MATN1: variants seen among roughly 807,000 people sequenced by gnomAD.
MATN1 encodes the protein matrilin-1.
A neutral mutation model predicts 41.3 loss-of-function variants in MATN1; 34 were observed. The ratio of observed to expected loss-of-function variants is 0.82; its 90% confidence interval spans 0.63 to 1.10. The LOEUF (loss-of-function observed/expected upper bound fraction) is 1.10, where lower values mean the gene tolerates loss of function less well. MATN1 is among the 50% of genes least tolerant of loss of function. The pLI, the probability that MATN1 is intolerant of heterozygous loss-of-function variation, is 0.00. For synonymous variants in MATN1, 264 were observed against 278.7 expected, an observed-to-expected ratio of 0.95 and a Z score of 0.53; for missense variants, 602 against 662.4, an observed-to-expected ratio of 0.91 and a Z score of 1.00.
Position 30,711,660 on chromosome 1 carries a change from G to A in MATN1, c.*1922C>T, listed in dbSNP as rs1639544411. On this transcript the variant is annotated 3_prime_UTR_variant, in exon 8 of 8. Coordinates refer to ENST00000373765, the MANE Select transcript of MATN1 (RefSeq NM_002379.3). ...ACCCCATCTCTGACTCCACTCATCAGGGACATCTGTTGCTTCTGCCCGCCA... is the reference window on the plus strand; with the variant it reads ...ACCCCATCTCTGACTCCACTCATCAAGGACATCTGTTGCTTCTGCCCGCCA... The A allele has an allele frequency of 1.3e-5, 2 of 152,412 alleles. No individual in the cohort carries two copies. The highest frequency in any genetic ancestry group is 2.9e-5 in the Non-Finnish European group (2 of 68,194). 9.4% of individuals were successfully genotyped at this position (152,412 alleles called of 1,614,324 possible).
Position 30,713,629 on chromosome 1 carries a change from C to A in MATN1, c.1444G>T (p.Glu482Ter). 1 of 1,553,282 alleles carries A rather than the reference C, an allele frequency of 6.4e-7. No individual in the cohort carries two copies. The highest frequency in any genetic ancestry group is 8.7e-7 in the Non-Finnish European group (1 of 1,147,608). The change falls in exon 8 of 8, where the codon GAA (glutamate) becomes TAA (stop). Residue 482 changes from glutamate to a stop codon, truncating the protein, a stop_gained and splice_region_variant. Transcript: ENST00000373765. LOFTEE classifies it high-confidence loss of function. ...ATGGCCAGCCGCTTACTCACAGCTT[C>A]CAGTGGACTCAGAGTTAAGGAGAGG... is the stretch of plus-strand genomic sequence containing the variant. The part of the protein sequence containing the change: ...GLLQALTRKL[E>*]AVSKRLAILE...
In MATN1 at chr1:30,714,261, G is replaced by A. The variant is rs1304277096; in HGVS notation, c.1427C>T (p.Ala476Val). ...GGAAGGGATATGTTTCCTGGTCAGG[G>A]CCTGCAGCAGCCCCTCCACTTTGGC... The part of the protein sequence containing the change: ...FQAKVEGLLQ[A>V]LTRKLEAVSK... The change falls in exon 7 of 8, where the codon GCC becomes GTC. Residue 476 changes from alanine (A) to valine (V), a missense_variant. By Grantham distance (64) the Ala-to-Val change is moderately conservative. Coordinates refer to ENST00000373765, the MANE Select transcript of MATN1 (RefSeq NM_002379.3). 6.2e-7 allele frequency: 1 copy of A among 1,607,714 alleles called. No individual in the cohort carries two copies. Among genetic ancestry groups the A allele is most frequent in the Non-Finnish European group, 8.5e-7 (1 of 1,177,044 alleles).
In MATN1 at chr1:30,721,421, G is replaced by A; in HGVS notation, c.425C>T (p.Ser142Phe). The change falls in exon 2 of 8, where the codon TCC becomes TTC. Residue 142 changes from serine to phenylalanine, a missense_variant. By Grantham distance (155) the Ser-to-Phe change is radical. Transcript: ENST00000373765. ...FGDAEGGRSR[S>F]PDISKVVIVV... ...TGCACGTACCTTGCTGATGTCAGGG[G>A]ACCTGGAACGACCACCCTCTGCATC... 3 of 1,609,354 alleles carry A rather than the reference G, an allele frequency of 1.9e-6. No individual in the cohort carries two copies. The highest frequency in any genetic ancestry group is 1.1e-5 in the South Asian group (1 of 90,996).
chr1:30,716,817 G>GACGCA lies in MATN1; in HGVS notation c.762_763insTGCGT (p.Leu255CysfsTer3). 6.2e-7 allele frequency: 1 copy of GACGCA among 1,613,970 alleles called. No homozygotes were observed. The highest frequency in any genetic ancestry group is 2.2e-5 in the East Asian group (1 of 44,884). On this transcript the variant is annotated frameshift_variant, in exon 4 of 8. Coordinates refer to ENST00000373765, the MANE Select transcript of MATN1 (RefSeq NM_002379.3). LOFTEE classifies it high-confidence loss of function. ...TTGCAGGTCTTGCCGTCGCTGTTCAGAGTGAAGCCCTCGTGGCAGGCGCAG... is the reference window on the plus strand; with the variant it reads ...TTGCAGGTCTTGCCGTCGCTGTTCAGACGCAAGTGAAGCCCTCGTGGCAGGCGCAG...
rs367770194 is a variant in MATN1 at position 30,721,486 on chromosome 1, G to A, written c.360C>T (p.Thr120=). 5.1e-5 allele frequency: 83 copies of A among 1,613,420 alleles called. No homozygotes were observed. The highest frequency in any genetic ancestry group is 6.0e-5 in the Non-Finnish European group (71 of 1,180,028). ...TGATAGCGAACTGGATGGCCAGGCC[G>A]GTCATGGTGCCTGTGGACAGCGGCT... The part of the protein sequence containing the change: ...RIQPLSTGTM[T]GLAIQFAITK... The change falls in exon 2 of 8, where the codon ACC becomes ACT. Residue 120 remains threonine, a synonymous_variant. Transcript: ENST00000373765.
Position 30,718,784 on chromosome 1 carries a change from G to C in MATN1, c.615C>G (p.Ser205Arg). Residue 205 changes from serine (S) to arginine (R), a missense_variant, in exon 3 of 8, where the codon AGC becomes AGG. Coordinates refer to ENST00000373765, the MANE Select transcript of MATN1 (RefSeq NM_002379.3). ...TGGACAGCTTCTCGATGACGCTGTAGCTCTCCACGTAATCGACGTGTTCGT... is the reference window on the plus strand; with the variant it reads ...TGGACAGCTTCTCGATGACGCTGTACCTCTCCACGTAATCGACGTGTTCGT... ...PQDEHVDYVE[S>R]YSVIEKLSRK... 3 of 1,610,222 alleles carry C rather than the reference G, an allele frequency of 1.9e-6. No individual in the cohort carries two copies. Among genetic ancestry groups the C allele is most frequent in the Non-Finnish European group, 2.5e-6 (3 of 1,178,466 alleles).
chr1:30,716,755 C>G, intron 4 of MATN1, 35 bp downstream of exon 4: 2 of 1,608,612 alleles, frequency 1.2e-6, no homozygotes, highest in Non-Finnish European at 1.7e-6. Flanking sequence ...CCCTCCACAC[C>G]CTCTCCAGGG....
rs191152591 is a variant in MATN1 at position 30,716,652 on chromosome 1, A to G, written c.790+138T>C. 43 of 1,271,894 alleles carry G rather than the reference A, an allele frequency of 3.4e-5. No individual in the cohort carries two copies. The East Asian group carries it at 9.4e-4, about 28-fold the overall frequency. The allele number at this position is 1,271,894 out of a possible 1,614,324, so 78.8% of individuals were successfully genotyped here. A position where few individuals can be genotyped will look rare whatever the true frequency, so the allele number is the denominator to read the frequency against. On this transcript the variant is annotated intron_variant, in intron 4 of 7. Coordinates refer to ENST00000373765, the MANE Select transcript of MATN1 (RefSeq NM_002379.3). The stretch of plus-strand genomic sequence containing the variant: ...CAGGTGAGAACTTCTGCAGATACCA[A>G]ACTCTAAAAGGCATCTGTCTGCTTT...
chr1:30,715,912 G>C lies in MATN1; in HGVS notation c.1204C>G (p.Leu402Val). 1 of 1,611,744 alleles carries C rather than the reference G, an allele frequency of 6.2e-7. No homozygotes were observed. Among genetic ancestry groups the C allele is most frequent in the Non-Finnish European group, 8.5e-7 (1 of 1,178,170 alleles). ...INDAAKKAKD[L>V]GFKMFAVGVG... ...GGTCCAGGCAGGCAACACCTACCGA[G>C]GTCTTTGGCCTTCTTGGCAGCATCA... The change falls in exon 5 of 8, where the codon CTC becomes GTC. Residue 402 changes from leucine (L) to valine (V), a missense_variant. Transcript: ENST00000373765.
At chr1:30,719,433 C>G (rs1639670099) in intron 2 of MATN1, 1 of 158,848 alleles carries the variant, frequency 6.3e-6, no homozygotes, top group South Asian at 1.8e-4. Flanking sequence ...GGGCTGCCGT[C>G]TCCCGTCTTG....
chr1:30,718,655 C>T, intron 3 of MATN1, 80 bp downstream of exon 3: 1 of 1,042,496 alleles, frequency 9.6e-7, no homozygotes, highest in Non-Finnish European at 1.3e-6. Flanking sequence ...AGCCTCGGTC[C>T]CGCCTCCAGC....
intron 2 of MATN1, chr1:30,721,108 C>A: frequency 2.7e-6 from 1 of 376,538 alleles, no homozygotes; most frequent in South Asian, 3.4e-5. Context: ...AAGCATCTGG[C>A]CTGTCTGCAA....
rs769016355 is a variant in MATN1 at position 30,716,180 on chromosome 1, G to A, written c.936C>T (p.Ala312=). The change falls in exon 5 of 8, where the codon GCC becomes GCT. Residue 312 remains alanine, a synonymous_variant. Transcript: ENST00000373765. ...TTGAGTACTGCACCAGCCCCACCTGGGCCAGCTTGTCTGACACGTCCAGCG... is the reference window on the plus strand; with the variant it reads ...TTGAGTACTGCACCAGCCCCACCTGAGCCAGCTTGTCTGACACGTCCAGCG... ...VDTLDVSDKL[A]QVGLVQYSSS... is the part of the protein sequence containing the mutation. 1.1e-5 allele frequency: 18 copies of A among 1,614,072 alleles called. No homozygotes were observed. The East Asian group carries it at 2.7e-4, about 24-fold the overall frequency.
intron 7 of MATN1, chr1:30,713,976 T>C: frequency 1.7e-6 from 1 of 579,662 alleles, no homozygotes; most frequent in East Asian, 2.8e-5. Flanking sequence ...ATGGGCTCCA[T>C]GTTCTTCAGA....
Position 30,721,678 on chromosome 1 carries a change from T to C in MATN1, c.168A>G (p.Glu56=), listed in dbSNP as rs142448431. The change falls in exon 2 of 8, where the codon GAA becomes GAG. Residue 56 remains glutamate (E), a synonymous_variant. Coordinates refer to ENST00000373765, the MANE Select transcript of MATN1 (RefSeq NM_002379.3). ...VDSSRSVRPV[E]FEKVKVFLSQ... is the part of the protein sequence containing the mutation. ...ACAGGAATACCTTCACTTTCTCAAATTCAACAGGCCGAACGCTGCGAGAGC... is the reference window on the plus strand; with the variant it reads ...ACAGGAATACCTTCACTTTCTCAAACTCAACAGGCCGAACGCTGCGAGAGC... 6.2e-7 allele frequency: 1 copy of C among 1,613,156 alleles called. No individual in the cohort carries two copies. The highest frequency in any genetic ancestry group is 1.3e-5 in the African/African-American group (1 of 74,934).
intron 5 of MATN1, 68 bp from the exon 6 acceptor site, chr1:30,715,377 G>A: frequency 2.6e-6 from 4 of 1,557,496 alleles, no homozygotes; most frequent in African/African-American, 2.7e-5. Context: ...GAGCCTCCTG[G>A]GGAAGGCTTA....
Position 30,721,463 on chromosome 1 carries a change from A to T in MATN1, c.383T>A (p.Ile128Asn), listed in dbSNP as rs772492630. 1 of 1,613,690 alleles carries T rather than the reference A, an allele frequency of 6.2e-7. No individual in the cohort carries two copies. The highest frequency in any genetic ancestry group is 1.1e-5 in the South Asian group (1 of 91,082). The change falls in exon 2 of 8, where the codon ATC (isoleucine) becomes AAC (asparagine). Residue 128 changes from isoleucine (I) to asparagine (N), a missense_variant. Coordinates refer to ENST00000373765, the MANE Select transcript of MATN1 (RefSeq NM_002379.3). Reference sequence around the variant, plus strand: ...CTCTGCATCGCCGAAGGCTTTGGTGATAGCGAACTGGATGGCCAGGCCGGT... The same window carrying T: ...CTCTGCATCGCCGAAGGCTTTGGTGTTAGCGAACTGGATGGCCAGGCCGGT... ...TMTGLAIQFAITKAFGDAEGG... is the reference protein window; with the variant it reads ...TMTGLAIQFANTKAFGDAEGG...
Position 30,713,413 on chromosome 1 carries a change from ACACACG to A in MATN1, c.*163_*168del, listed in dbSNP as rs1432423923. 9.1e-6 allele frequency: 6 copies of A among 658,492 alleles called. No homozygotes were observed. The highest frequency in any genetic ancestry group is 1.7e-5 in the Non-Finnish European group (6 of 358,504). 40.8% of individuals were successfully genotyped at this position (658,492 alleles called of 1,614,324 possible). On this transcript the variant is annotated 3_prime_UTR_variant, in exon 8 of 8. Transcript: ENST00000373765. ...CACACACACACACATGCACACATAC[ACACACG>A]CACACATACACACACGAGCTCCCAA...
At chr1:30,723,146 T>C (rs1259944317) in intron 1 of MATN1, among the ~76,000 whole-genome samples, 1 of 152,170 alleles carries the variant, frequency 6.6e-6, no homozygotes, top group Non-Finnish European at 1.5e-5. Context: ...AGCCATGGGC[T>C]CAGCCCTGGG....
Sources: allele counts gnomAD v4.1 joint callset (sites outside exome capture counted in the v4.1 genomes callset), GRCh38; gene constraint gnomAD v4.1.1; transcripts MANE v1.5; gene names NCBI Gene and HGNC (gene_info 2026-07-23, HGNC 2026-07-21).